The following ITK variants were observed in gnomAD, a reference collection of about 807,000 sequenced individuals.
The protein encoded by ITK is IL2 inducible T cell kinase, also known as tyrosine-protein kinase ITK/TSK.
A neutral mutation model predicts 87.6 loss-of-function variants in ITK; 45 were observed. That is an observed-to-expected ratio of 0.51 (90% confidence interval 0.40 to 0.66). ITK has a LOEUF of 0.66. Among genes scored for constraint, ITK ranks in the 30% least tolerant of loss-of-function variants. ITK has a pLI of 0.00. For missense variants in ITK, 605 were observed against 766.3 expected, an observed-to-expected ratio of 0.79 and a Z score of 2.48; for synonymous variants, 303 against 273.6, an observed-to-expected ratio of 1.11 and a Z score of -1.06.
intron 6 of ITK, 28 bp from the exon 7 acceptor site, chr5:157,228,268 G>T (rs1367896185): frequency 7.2e-7 from 1 of 1,395,388 alleles, no homozygotes; most frequent in Non-Finnish European, 1.0e-6. Context: ...TTCTATGTAA[G>T]TCTAAACATT....
At chr5:157,221,803 C>A (rs1293254190) in intron 5 of ITK, among the ~76,000 whole-genome samples, 5 of 152,092 alleles carry the variant, frequency 3.3e-5, no homozygotes, top group African/African-American at 4.8e-5. Context: ...CCACTCTTGT[C>A]CATAGCACCC....
chr5:157,201,909 A>T (rs1009013290), intron 1 of ITK, among the ~76,000 whole-genome samples: 4 of 152,152 alleles, frequency 2.6e-5, no homozygotes, highest in African/African-American at 9.7e-5. Flanking sequence ...TGCATGTTGC[A>T]GGGGTTTGGT....
intron 1 of ITK, among the ~76,000 whole-genome samples, chr5:157,181,978 G>A (rs992883471): frequency 2.6e-5 from 4 of 152,216 alleles, no homozygotes; most frequent in Non-Finnish European, 4.4e-5. Flanking sequence ...CTGGGCAAAT[G>A]TCTACCTCCT....
chr5:157,189,738 T>G (rs1014517797), intron 1 of ITK, among the ~76,000 whole-genome samples: 1 of 152,222 alleles, frequency 6.6e-6, no homozygotes, highest in African/African-American at 2.4e-5. Flanking sequence ...AAGCTCCATG[T>G]AAAACAAGAC....
intron 5 of ITK, among the ~76,000 whole-genome samples, chr5:157,222,003 G>C (rs59990394): frequency 6.6e-6 from 1 of 151,758 alleles, no homozygotes; most frequent in Non-Finnish European, 1.5e-5. Flanking sequence ...AAAAAAATCC[G>C]ATCTGGGCTC....
chr5:157,197,908 C>T (rs13156454), intron 1 of ITK, among the ~76,000 whole-genome samples: 19,046 of 151,954 alleles, frequency 0.13, 1,457 homozygotes, highest in Middle Eastern at 0.24. Context: ...CAAATGTTTC[C>T]ATAGAATAAA....
At chr5:157,190,360 G>A (rs147967142) in intron 1 of ITK, among the ~76,000 whole-genome samples, 108 of 152,216 alleles carry the variant, frequency 7.1e-4, no homozygotes, top group African/African-American at 2.3e-3. Context: ...TCAAGGAAAC[G>A]TTTCTGTGTT....
chr5:157,213,661 C>T, intron 3 of ITK: 1 of 423,332 alleles, frequency 2.4e-6, no homozygotes, highest in South Asian at 1.7e-5. Flanking sequence ...GGATTACAAG[C>T]ATGAGCCACT....
chr5:157,252,430 C>T (rs1198756589), intron 16 of ITK, among the ~76,000 whole-genome samples, 177 bp from the exon 17 acceptor site: 3 of 152,144 alleles, frequency 2.0e-5, no homozygotes, highest in Non-Finnish European at 2.9e-5. Flanking sequence ...AACACTAGTC[C>T]CTTGGATTCC....
At chr5:157,224,708 G>A (rs548226142) in intron 6 of ITK, among the ~76,000 whole-genome samples, 212 of 152,290 alleles carry the variant, frequency 1.4e-3, no homozygotes, top group African/African-American at 4.9e-3. Context: ...TTGAACCTGG[G>A]AGGTGGAGGT....
At chr5:157,209,105 G>A (rs1339890398) in intron 2 of ITK, 112 bp downstream of exon 2, 2 of 763,272 alleles carry the variant, frequency 2.6e-6, no homozygotes, top group African/African-American at 1.7e-5. Context: ...GGAGGTTGAG[G>A]CAGGCAGATC....
At chr5:157,201,186 A>C (rs943278050) in intron 1 of ITK, among the ~76,000 whole-genome samples, 1 of 152,198 alleles carries the variant, frequency 6.6e-6, no homozygotes, top group Non-Finnish European at 1.5e-5. Flanking sequence ...TAATAGAAAA[A>C]AAATTTTGAG....
intron 16 of ITK, 82 bp downstream of exon 16, chr5:157,249,089 C>CA (rs1429580208): frequency 8.1e-7 from 1 of 1,229,582 alleles, no homozygotes; most frequent in African/African-American, 1.5e-5. Flanking sequence ...GGAACCCTCT[C>CA]AGAAGGATGA....
chr5:157,218,030 A>G (rs936838026), intron 5 of ITK, 123 bp downstream of exon 5: 6 of 898,128 alleles, frequency 6.7e-6, no homozygotes, highest in South Asian at 6.6e-5. Context: ...GCAGGCTGTC[A>G]TGATTCAGCA....
At chr5:157,233,480 T>G (rs1220262033) in intron 8 of ITK, among the ~76,000 whole-genome samples, 1 of 152,224 alleles carries the variant, frequency 6.6e-6, no homozygotes, top group Non-Finnish European at 1.5e-5. Context: ...TTATTTCCTG[T>G]GGGTTCCCCA....
At chr5:157,248,684 C>T (rs1424830717) in intron 15 of ITK, among the ~76,000 whole-genome samples, 166 bp from the exon 16 acceptor site, 1 of 152,190 alleles carries the variant, frequency 6.6e-6, no homozygotes, top group Non-Finnish European at 1.5e-5. Context: ...AATTTCAGTT[C>T]TTTAAAAATA....
At chr5:157,239,149 G>A (rs113331701) in intron 9 of ITK, among the ~76,000 whole-genome samples, 45 of 152,162 alleles carry the variant, frequency 3.0e-4, no homozygotes, top group African/African-American at 9.4e-4. Context: ...AGTCTGTGTC[G>A]AGGCTCCCCA....
rs1755171110 is a variant in ITK, at chr5:157,252,866, A to G, written c.*188A>G. 3 of 637,926 alleles carry G rather than the reference A, an allele frequency of 4.7e-6. No individual in the cohort carries two copies. The highest frequency in any genetic ancestry group is 8.6e-6 in the Non-Finnish European group (3 of 348,906). The allele number at this position is 637,926 out of a possible 1,614,324, so 39.5% of individuals were successfully genotyped here. On this transcript the variant is annotated 3_prime_UTR_variant, in exon 17 of 17. Transcript: ENST00000422843. ...CAGCTGGCAGTCAAGCCACAGCTGG[A>G]GGGTCAGCCACCAAGCTGGGAGCTG...
intron 6 of ITK, among the ~76,000 whole-genome samples, chr5:157,225,104 C>A (rs1315325654): frequency 6.6e-6 from 1 of 152,116 alleles, no homozygotes; most frequent in Non-Finnish European, 1.5e-5. Context: ...AAGTGATCCT[C>A]CCATCTCAGA....
Sources: allele counts gnomAD v4.1 joint callset (sites outside exome capture counted in the v4.1 genomes callset), GRCh38; gene constraint gnomAD v4.1.1; transcripts MANE v1.5; gene names NCBI Gene and HGNC (gene_info 2026-07-23, HGNC 2026-07-21).